Variants in CYP4B1 observed in about 807,000 individuals in gnomAD.
The protein encoded by CYP4B1 is cytochrome P450 4B1.
CYP4B1 carries 45 observed loss-of-function variants against 54.0 expected under a neutral mutation model. That is an observed-to-expected ratio of 0.83 (90% CI 0.66 to 1.07). The LOEUF (loss-of-function observed/expected upper bound fraction) is 1.07. CYP4B1 is among the 50% of genes least tolerant of loss of function. CYP4B1 has a pLI of 0.00. For missense variants in CYP4B1, 656 were observed against 655.4 expected (o/e 1.00, Z -0.01); for synonymous variants, 248 against 247.5 (o/e 1.00, Z -0.02).
intron 1 of CYP4B1, among the ~76,000 whole-genome samples, chr1:46,803,566 T>C (rs961737557): frequency 6.6e-6 from 1 of 152,244 alleles, no homozygotes; most frequent in Non-Finnish European, 1.5e-5. Context: ...TGAATTTCTA[T>C]GTCTCAATTT....
At position 46,818,095 on chromosome 1, in the gene CYP4B1, A is replaced by G. The variant is rs565857118; in HGVS notation, c.1273-36A>G. On this transcript the variant is annotated intron_variant, in intron 10 of 11. Transcript: ENST00000371923. ...ACTGGGAGGGTCACCCTCTGCCAGA[A>G]CCTGGCGAGTGTTTAAGCAAGGCCT... 3 of 1,613,400 alleles carry G rather than the reference A, an allele frequency of 1.9e-6. No homozygotes were observed. The African/African-American group carries it at 4.0e-5, about 22-fold the overall frequency.
chr1:46,814,409 T>TCC, intron 7 of CYP4B1, 94 bp downstream of exon 7: 1 of 862,870 alleles, frequency 1.2e-6, no homozygotes, highest in South Asian at 1.6e-5. Flanking sequence ...CTTAAGCATT[T>TCC]CCCCCTTTCC....
chr1:46,810,624 G>A (rs942220851), intron 1 of CYP4B1, among the ~76,000 whole-genome samples, 184 bp from the exon 2 acceptor site: 3 of 152,172 alleles, frequency 2.0e-5, no homozygotes, highest in African/African-American at 7.2e-5. Flanking sequence ...TGGAATTAGA[G>A]CAGTGGTTGT....
In CYP4B1 at chr1:46,800,747, A is replaced by G. The variant is rs951575723; in HGVS notation, c.180+1486A>G. ...GCTTCTCTTCCTTGATTGACACTAG[A>G]AATGAGCTTGACCTCTAGGCTTATT... On this transcript the variant is annotated intron_variant, in intron 1 of 11. Coordinates refer to ENST00000371923, the MANE Select transcript of CYP4B1 (RefSeq NM_001099772.2). 8.5e-5 allele frequency among the ~76,000 whole-genome samples: 13 copies of G among 152,256 alleles called. 1 individual carries two copies. The highest frequency in any genetic ancestry group is 6.8e-3 in the Middle Eastern group (2 of 294).
chr1:46,814,773 T>C (rs1023956437), intron 7 of CYP4B1: 27 of 431,744 alleles, frequency 6.3e-5, no homozygotes, highest in Admixed American at 2.4e-4. Flanking sequence ...TAGGTAGATG[T>C]TGACCAAAAT....
chr1:46,814,650 C>A, intron 7 of CYP4B1: 1 of 328,554 alleles, frequency 3.0e-6, no homozygotes, highest in Middle Eastern at 9.1e-4. Flanking sequence ...CTTTATTCAT[C>A]AATTCTAGAA....
Position 46,811,004 on chromosome 1 carries a change from G to T in CYP4B1, c.322+55G>T, listed in dbSNP as rs1381127364. 3 of 1,604,894 alleles carry T rather than the reference G, an allele frequency of 1.9e-6. No homozygotes were observed. In the African/African-American group the frequency reaches 4.0e-5, roughly 21 times the overall value. On this transcript the variant is annotated intron_variant, in intron 2 of 11. Coordinates refer to ENST00000371923, the MANE Select transcript of CYP4B1 (RefSeq NM_001099772.2). ...AGGGTGGGGCTTCCTGAGAACAAAGGGCTCAGGGCATGATATGGGGAGGAA... is the reference window on the plus strand; with the variant it reads ...AGGGTGGGGCTTCCTGAGAACAAAGTGCTCAGGGCATGATATGGGGAGGAA...
At chr1:46,800,288 T>C (rs11588126) in intron 1 of CYP4B1, among the ~76,000 whole-genome samples, 5,213 of 95,942 alleles carry the variant, frequency 0.054, 862 homozygotes, top group South Asian at 0.11. Context: ...CTTCCTTCCT[T>C]CCTTCCTTCC....
intron 8 of CYP4B1, among the ~76,000 whole-genome samples, chr1:46,815,812 G>C: frequency 6.6e-6 from 1 of 152,184 alleles, no homozygotes; most frequent in East Asian, 1.9e-4. Context: ...CTTAAGGATT[G>C]ACCCTGACCT....
Position 46,809,283 on chromosome 1 carries a change from C to T in CYP4B1, c.181-1525C>T, listed in dbSNP as rs956199942. On this transcript the variant is annotated intron_variant, in intron 1 of 11. Coordinates refer to ENST00000371923, the MANE Select transcript of CYP4B1 (RefSeq NM_001099772.2). The stretch of plus-strand genomic sequence containing the variant: ...CAGGGCCATTCATGAGGGATCCACC[C>T]CTATGATGCCAACACCTCCCATGAG... Among the ~76,000 whole-genome samples, 11 of 152,310 alleles carry T rather than the reference C, an allele frequency of 7.2e-5. No homozygotes were observed. The East Asian group carries it at 2.1e-3, about 29-fold the overall frequency.
chr1:46,812,074 G>A (rs966864758), intron 3 of CYP4B1: 3 of 438,070 alleles, frequency 6.8e-6, no homozygotes, highest in South Asian at 3.3e-5. Context: ...AGGCCATGAA[G>A]CACGAACACG....
rs749176742 is a variant in CYP4B1 at position 46,818,737 on chromosome 1, A to C, written c.1462A>C (p.Met488Leu). 18 of 1,613,990 alleles carry C rather than the reference A, an allele frequency of 1.1e-5. No homozygotes were observed. Among genetic ancestry groups the C allele is most frequent in the Non-Finnish European group, 8.5e-7 (1 of 1,180,030 alleles). The change falls in exon 12 of 12, where the codon ATG (methionine) becomes CTG (leucine). Residue 488 changes from methionine to leucine, a missense_variant. Met to Leu is a conservative substitution (Grantham distance 15, BLOSUM62 2). Coordinates refer to ENST00000371923, the MANE Select transcript of CYP4B1 (RefSeq NM_001099772.2). ...GGACCCCTCACGGCTGCCCATCAAGATGCCCCAGCTTGTCCTGCGCTCCAA... is the reference window on the plus strand; with the variant it reads ...GGACCCCTCACGGCTGCCCATCAAGCTGCCCCAGCTTGTCCTGCGCTCCAA... ...SLDPSRLPIK[M>L]PQLVLRSKNG... is the part of the protein sequence containing the mutation.
rs2148409924 is a variant in CYP4B1 at position 46,815,148 on chromosome 1, C to T, written c.957C>T (p.Asp319=). 1 of 1,613,996 alleles carries T rather than the reference C, an allele frequency of 6.2e-7. No homozygotes were observed. The highest frequency in any genetic ancestry group is 8.5e-7 in the Non-Finnish European group (1 of 1,179,822). Residue 319 remains aspartate (D), a synonymous_variant, in exon 8 of 12, where the codon GAC becomes GAT. Coordinates refer to ENST00000371923, the MANE Select transcript of CYP4B1 (RefSeq NM_001099772.2). ...ACACATTCATGTTTGAAGGCCATGA[C>T]ACCACCACCAGTGGTATCTCCTGGT... ...EVDTFMFEGH[D]TTTSGISWFL...
At chr1:46,807,056 G>A (rs1333652709) in intron 1 of CYP4B1, among the ~76,000 whole-genome samples, 2 of 152,214 alleles carry the variant, frequency 1.3e-5, no homozygotes, top group East Asian at 3.9e-4. Flanking sequence ...TGCCTGGCAG[G>A]TGCTTCTAGT....
chr1:46,801,581 GA>G (rs1365495306), intron 1 of CYP4B1, among the ~76,000 whole-genome samples: 13 of 152,138 alleles, frequency 8.5e-5, no homozygotes, highest in Non-Finnish European at 7.3e-5. Context: ...CTACTTGTGG[GA>G]GCTACAAAGG....
At position 46,818,217 on chromosome 1, in the gene CYP4B1, T is replaced by C. The variant is rs778420761; in HGVS notation, c.1355+4T>C. The stretch of plus-strand genomic sequence containing the variant: ...TGCCCTTCTCTGCTGGGCCCAGGTA[T>C]GGAGAGACCCAGTATCCCAGGCCCT... On this transcript the variant is annotated splice_donor_region_variant and intron_variant, in intron 11 of 11. Coordinates refer to ENST00000371923, the MANE Select transcript of CYP4B1 (RefSeq NM_001099772.2). 2 of 1,613,506 alleles carry C rather than the reference T, an allele frequency of 1.2e-6. No homozygotes were observed. The highest frequency in any genetic ancestry group is 1.1e-5 in the South Asian group (1 of 91,044).
Position 46,819,078 on chromosome 1 carries a change from T to C in CYP4B1, c.*264T>C, listed in dbSNP as rs1679456133. Reference sequence around the variant, plus strand: ...GAGCACCTATTTCGTTCGAGAAACTTCATTTATCTCCTATAATTGGCAAAC... The same window carrying C: ...GAGCACCTATTTCGTTCGAGAAACTCCATTTATCTCCTATAATTGGCAAAC... On this transcript the variant is annotated 3_prime_UTR_variant, in exon 12 of 12. Transcript: ENST00000371923. 1 of 364,900 alleles carries C rather than the reference T, an allele frequency of 2.7e-6. No individual in the cohort carries two copies. The highest frequency in any genetic ancestry group is 2.1e-5 in the African/African-American group (1 of 48,520). The allele number at this position is 364,900 out of a possible 1,614,324, so 22.6% of individuals were successfully genotyped here.
At chr1:46,804,107 C>T (rs1678764303) in intron 1 of CYP4B1, among the ~76,000 whole-genome samples, 1 of 152,136 alleles carries the variant, frequency 6.6e-6, no homozygotes, top group Non-Finnish European at 1.5e-5. Context: ...CAGGTGAGAG[C>T]TTTCAGGGAG....
intron 9 of CYP4B1, 191 bp downstream of exon 9, chr1:46,817,372 T>C: frequency 1.6e-6 from 1 of 640,368 alleles, no homozygotes; most frequent in South Asian, 2.0e-5. Flanking sequence ...TTTCCCCTTC[T>C]GTAAAATGGG....
Sources: allele counts gnomAD v4.1 joint callset (sites outside exome capture counted in the v4.1 genomes callset), GRCh38; gene constraint gnomAD v4.1.1; transcripts MANE v1.5; gene names NCBI Gene and HGNC (gene_info 2026-07-23, HGNC 2026-07-21).